PROM1: variants seen among roughly 807,000 people sequenced by gnomAD.
PROM1 encodes prominin 1.
Under a neutral mutation model 116.9 loss-of-function variants are expected in PROM1, and 105 were observed. The ratio of observed to expected loss-of-function variants is 0.90; its 90% CI spans 0.77 to 1.06. The LOEUF (loss-of-function observed/expected upper bound fraction) is 1.06. Among genes scored for constraint, PROM1 ranks in the 50% least tolerant of loss-of-function variants. The pLI, the probability that PROM1 is intolerant of heterozygous loss-of-function variation, is 0.00. For synonymous variants in PROM1, 393 were observed against 387.0 expected (o/e 1.02, Z -0.18); for missense variants, 1,122 against 1,045.2 (o/e 1.07, Z -1.01).
chr4:16,023,818 C>A (rs1336726813), intron 7 of PROM1, among the ~76,000 whole-genome samples: 2 of 152,184 alleles, frequency 1.3e-5, no homozygotes, highest in East Asian at 3.9e-4. Flanking sequence ...ACCTTCACCT[C>A]ATTGTGACAA....
rs899676731 is a variant in PROM1, at chr4:16,059,001, T to C, written c.220+16686A>G. Among the ~76,000 whole-genome samples the C allele has an allele frequency of 3.3e-5, 5 of 152,308 alleles. No individual in the cohort carries two copies. The South Asian group carries it at 1.0e-3, about 32-fold the overall frequency. ...ACCTTGGGAATGGGCTAAACTCCAC[T>C]GAGTAATACCTGGACAGAACCTTTA... On this transcript the variant is annotated intron_variant, in intron 2 of 27. Transcript: ENST00000447510.
intron 4 of PROM1, 145 bp from the exon 5 acceptor site, chr4:16,033,654 ATTTCGGC>A: frequency 1.9e-5 from 12 of 629,582 alleles, no homozygotes; most frequent in Non-Finnish European, 2.9e-5. Flanking sequence ...CAGTGGCGCG[ATTTCGGC>A]TCACTGCAAC....
chr4:16,048,684 G>A (rs994958634), intron 2 of PROM1, among the ~76,000 whole-genome samples: 5 of 152,036 alleles, frequency 3.3e-5, no homozygotes, highest in African/African-American at 4.8e-5. Context: ...ACTGACACAC[G>A]TTGGCTTTTA....
chr4:15,989,026 C>T (rs180963004), intron 19 of PROM1, among the ~76,000 whole-genome samples: 2 of 152,222 alleles, frequency 1.3e-5, no homozygotes, highest in South Asian at 4.2e-4. Flanking sequence ...ACGGCCCACA[C>T]ACAAGCATAA....
At chr4:16,075,539 T>G (rs1743766109) in intron 2 of PROM1, 148 bp downstream of exon 2, 3 of 779,676 alleles carry the variant, frequency 3.8e-6, no homozygotes, top group Non-Finnish European at 5.8e-6. Context: ...ACAAGTCTTC[T>G]TAACTTCTGT....
chr4:16,019,665 A>G (rs1729315791), intron 8 of PROM1, among the ~76,000 whole-genome samples: 1 of 152,206 alleles, frequency 6.6e-6, no homozygotes, highest in African/African-American at 2.4e-5. Flanking sequence ...GCAGTAAAAG[A>G]TGTGAAATTT....
chr4:16,045,874 A>G (rs1011872588), intron 2 of PROM1, among the ~76,000 whole-genome samples: 1 of 152,220 alleles, frequency 6.6e-6, no homozygotes, highest in Non-Finnish European at 1.5e-5. Context: ...CTTCTCATTC[A>G]TGGTCTACAA....
chr4:15,984,554 G>C (rs1485077527), intron 22 of PROM1, among the ~76,000 whole-genome samples, 199 bp from the exon 23 acceptor site: 2 of 152,218 alleles, frequency 1.3e-5, no homozygotes, highest in African/African-American at 4.8e-5. Flanking sequence ...CTCCACAGCA[G>C]GAAGTGAGGG....
At chr4:16,053,642 G>A (rs74586409) in intron 2 of PROM1, among the ~76,000 whole-genome samples, 325 of 152,334 alleles carry the variant, frequency 2.1e-3, no homozygotes, top group Middle Eastern at 3.4e-3. Flanking sequence ...ATGACGTTAT[G>A]TTTGGGTTTG....
intron 15 of PROM1, among the ~76,000 whole-genome samples, chr4:15,994,583 C>T (rs1305022587): frequency 2.0e-5 from 3 of 152,144 alleles, no homozygotes; most frequent in East Asian, 1.9e-4. Context: ...GCAGACATCT[C>T]GATGGTCAGC....
At chr4:16,006,455 C>T (rs1008538728) in intron 13 of PROM1, 83 bp downstream of exon 13, 8 of 1,441,656 alleles carry the variant, frequency 5.5e-6, no homozygotes, top group South Asian at 1.5e-5. Flanking sequence ...CAGAGGGCGC[C>T]GGGTTCATGT....
intron 8 of PROM1, among the ~76,000 whole-genome samples, chr4:16,018,757 T>C (rs1301114266): frequency 6.6e-6 from 1 of 152,048 alleles, no homozygotes; most frequent in Non-Finnish European, 1.5e-5. Flanking sequence ...GGGGTCTCTT[T>C]CCAACAAGAA....
chr4:15,983,351 T>C (rs999896344), intron 23 of PROM1, among the ~76,000 whole-genome samples: 1 of 151,938 alleles, frequency 6.6e-6, no homozygotes, highest in African/African-American at 2.4e-5. Flanking sequence ...AAACAGCCCA[T>C]GTAGGCGAGG....
At chr4:16,075,053 T>C (rs1017234869) in intron 2 of PROM1, among the ~76,000 whole-genome samples, 2 of 152,202 alleles carry the variant, frequency 1.3e-5, no homozygotes, top group African/African-American at 2.4e-5. Flanking sequence ...ATACCCTGAA[T>C]TCAGAAGAGT....
intron 19 of PROM1, 87 bp from the exon 20 acceptor site, chr4:15,987,803 C>T: frequency 9.2e-7 from 1 of 1,087,472 alleles, no homozygotes; most frequent in Non-Finnish European, 1.4e-6. Context: ...ACAAGATAGC[C>T]ATCAAATCTG....
intron 15 of PROM1, among the ~76,000 whole-genome samples, chr4:15,995,926 T>C (rs1399284503): frequency 1.3e-5 from 2 of 152,352 alleles, no homozygotes; most frequent in South Asian, 4.1e-4. Flanking sequence ...CAGAGTCTAA[T>C]TCAATTTTGT....
chr4:16,000,008 C>G (rs1318514770), intron 14 of PROM1, among the ~76,000 whole-genome samples: 1 of 152,216 alleles, frequency 6.6e-6, no homozygotes, highest in African/African-American at 2.4e-5. Flanking sequence ...GGTGGCACTA[C>G]TAGACGTGTG....
intron 2 of PROM1, among the ~76,000 whole-genome samples, chr4:16,061,162 C>G (rs534279991): frequency 6.6e-6 from 1 of 151,698 alleles, no homozygotes; most frequent in East Asian, 1.9e-4. Flanking sequence ...ATAGCCATCA[C>G]AAAATCCAGG....
intron 2 of PROM1, among the ~76,000 whole-genome samples, chr4:16,041,785 A>AATATAT (rs200674323): frequency 6.4e-4 from 24 of 37,618 alleles, no homozygotes; most frequent in Admixed American, 2.1e-3. Context: ...TAAATAAATA[A>AATATAT]ATATATATAT....
Sources: allele counts gnomAD v4.1 joint callset (sites outside exome capture counted in the v4.1 genomes callset), GRCh38; gene constraint gnomAD v4.1.1; transcripts MANE v1.5; gene names NCBI Gene and HGNC (gene_info 2026-07-23, HGNC 2026-07-21).